The following ZCCHC14 variants were observed in gnomAD, a reference collection of about 807,000 sequenced individuals.
ZCCHC14 encodes zinc finger CCHC-type containing 14, also known as zinc finger CCHC domain-containing protein 14.
ZCCHC14 carries 16 observed loss-of-function variants against 85.0 expected under a neutral mutation model. The ratio of observed to expected loss-of-function variants is 0.19; its 90% CI spans 0.13 to 0.29. The LOEUF (loss-of-function observed/expected upper bound fraction) is 0.29. ZCCHC14 is among the 10% of genes least tolerant of loss of function. The probability of loss-of-function intolerance (pLI) is 1.00; values close to 1 mark genes in which losing one functional copy is unlikely to be tolerated. For missense variants in ZCCHC14, 1,303 were observed against 1,443.5 expected (o/e 0.90, Z 1.58); for synonymous variants, 775 against 630.7 (o/e 1.23, Z -3.43).
At chr16:87,423,307 G>C (rs1429354897) in intron 4 of ZCCHC14, among the ~76,000 whole-genome samples, 1 of 152,178 alleles carries the variant, frequency 6.6e-6, no homozygotes, top group South Asian at 2.1e-4. Flanking sequence ...TTGAGCACCA[G>C]GAGGTCAAGG....
chr16:87,422,476 G>C (rs2150730030), intron 4 of ZCCHC14, among the ~76,000 whole-genome samples: 1 of 152,082 alleles, frequency 6.6e-6, no homozygotes, highest in South Asian at 2.1e-4. Flanking sequence ...TGTAACACCA[G>C]TACTCTGGGA....
In ZCCHC14 at chr16:87,487,083, C is replaced by T. The variant is rs543005181; in HGVS notation, c.570+4586G>A. Among the ~76,000 whole-genome samples, 4 of 152,302 alleles carry T rather than the reference C, an allele frequency of 2.6e-5. No individual in the cohort carries two copies. In the East Asian group the frequency reaches 7.7e-4, roughly 29 times the overall value. ...ATTTTCAACAGCTTACGAAAAGCAA[C>T]GAAGCAAAAGCTGTTGCTGATCTTT... On this transcript the variant is annotated intron_variant, in intron 1 of 12. Coordinates refer to ENST00000671377, the MANE Select transcript of ZCCHC14 (RefSeq NM_015144.3).
intron 2 of ZCCHC14, among the ~76,000 whole-genome samples, chr16:87,448,959 A>AGGCAGAAGCGACCGTGTGCC (rs1910565409): frequency 6.6e-6 from 1 of 152,154 alleles, no homozygotes; most frequent in Non-Finnish European, 1.5e-5. Flanking sequence ...CATCAGAAAG[A>AGGCAGAAGCGACCGTGTGCC]GGCAGAAGCG....
At chr16:87,458,270 G>A (rs1175395500) in intron 2 of ZCCHC14, among the ~76,000 whole-genome samples, 1 of 152,164 alleles carries the variant, frequency 6.6e-6, no homozygotes, top group Non-Finnish European at 1.5e-5. Context: ...GGGATGGCAT[G>A]GGGGAAGGAA....
intron 2 of ZCCHC14, among the ~76,000 whole-genome samples, chr16:87,447,250 C>A (rs559343352): frequency 1.3e-5 from 2 of 152,082 alleles, no homozygotes; most frequent in African/African-American, 4.8e-5. Context: ...AGCAGGCAGC[C>A]TGGACACCTG....
rs140497333 is a variant in ZCCHC14, at chr16:87,469,898, A to G, written c.571-9767T>C. ...TTCCCTGCACTGGGGGCCAGGGCCT[A>G]TCTTCTCAAGTAGAGACTTTACCAC... On this transcript the variant is annotated intron_variant, in intron 1 of 12. Transcript: ENST00000671377. Among the ~76,000 whole-genome samples, 558 of 152,278 alleles carry G rather than the reference A, an allele frequency of 3.7e-3. 2 individuals carry two copies. Among genetic ancestry groups the G allele is most frequent in the African/African-American group, 0.013 (527 of 41,558 alleles).
Position 87,414,167 on chromosome 16 carries a change from CTG to C in ZCCHC14, c.1603+245_1603+246del, listed in dbSNP as rs1408038199. Reference sequence around the variant, plus strand: ...CACCTGCCCGGCACACGGGCCCTCTCTGTGTACGAGTAACCCACCTGCCCGGC... The same window carrying C: ...CACCTGCCCGGCACACGGGCCCTCTCTGTACGAGTAACCCACCTGCCCGGC... On this transcript the variant is annotated intron_variant, in intron 10 of 12. Coordinates refer to ENST00000671377, the MANE Select transcript of ZCCHC14 (RefSeq NM_015144.3). 2.0e-3 allele frequency among the ~76,000 whole-genome samples: 308 copies of C among 151,256 alleles called. 2 individuals are homozygous for C. The highest frequency in any genetic ancestry group is 5.3e-3 in the Admixed American group (80 of 15,194).
At position 87,411,519 on chromosome 16, in the gene ZCCHC14, G is replaced by A. The variant is rs146782285; in HGVS notation, c.3202C>T (p.Pro1068Ser). 197 of 1,613,294 alleles carry A rather than the reference G, an allele frequency of 1.2e-4. 1 individual carries two copies. Among genetic ancestry groups the A allele is most frequent in the Non-Finnish European group, 1.6e-4 (185 of 1,180,010 alleles). The part of the protein sequence containing the change: ...CKQPSMDFNR[P>S]GTFRLKYAPP... ...CGCGGCCATGGCGCGCGCTTACCTGGCCGGTTGAAGTCCATGGACGGCTGT... is the reference window on the plus strand; with the variant it reads ...CGCGGCCATGGCGCGCGCTTACCTGACCGGTTGAAGTCCATGGACGGCTGT... Residue 1068 changes from proline to serine, a missense_variant, in exon 12 of 13, where the codon CCA becomes TCA. Around this residue, in one of 7 missense-constraint regions of ZCCHC14, gnomAD observed 797 missense variants for 730.8 expected, o/e 1.09. Transcript: ENST00000671377.
At chr16:87,452,196 G>A (rs961761865) in intron 2 of ZCCHC14, among the ~76,000 whole-genome samples, 5 of 152,260 alleles carry the variant, frequency 3.3e-5, no homozygotes, top group African/African-American at 7.2e-5. Context: ...AGCCTTGCAG[G>A]GCCAAAGCCA....
Position 87,419,445 on chromosome 16 carries a change from C to A in ZCCHC14, c.1045+338G>T, listed in dbSNP as rs550999305. On this transcript the variant is annotated intron_variant, in intron 6 of 12. Coordinates refer to ENST00000671377, the MANE Select transcript of ZCCHC14 (RefSeq NM_015144.3). ...CCTCCCAAGTAGCGGGGACTGCAGG[C>A]ATGCATCACCACGCCTGGCTAATTT... Among the ~76,000 whole-genome samples, 439 of 152,340 alleles carry A rather than the reference C, an allele frequency of 2.9e-3. 2 individuals are homozygous for A. Among genetic ancestry groups the A allele is most frequent in the African/African-American group, 9.6e-3 (400 of 41,582 alleles).
Position 87,410,258 on chromosome 16 carries a change from G to C in ZCCHC14, c.*22C>G. 1 of 755,938 alleles carries C rather than the reference G, an allele frequency of 1.3e-6. No homozygotes were observed. The highest frequency in any genetic ancestry group is 2.5e-5 in the East Asian group (1 of 39,804). 46.8% of individuals were successfully genotyped at this position (755,938 alleles called of 1,614,324 possible). On this transcript the variant is annotated 3_prime_UTR_variant, in exon 13 of 13. Transcript: ENST00000671377. ...CCTTATGTCTCCATGGCTTAATAAC[G>C]TTCTGTTGCCAGAGAAAAATATCAA...
intron 3 of ZCCHC14, among the ~76,000 whole-genome samples, chr16:87,424,817 G>A (rs544326623): frequency 3.3e-5 from 5 of 152,316 alleles, no homozygotes; most frequent in Admixed American, 2.0e-4. Context: ...TGAAATGACA[G>A]GGAGGAGGCC....
intron 1 of ZCCHC14, among the ~76,000 whole-genome samples, chr16:87,477,120 CA>C (rs769416913): frequency 1.1e-3 from 44 of 40,636 alleles, no homozygotes; most frequent in Admixed American, 1.4e-3. Context: ...GACTCAGTCT[CA>C]AAAAAAAAAA....
At position 87,411,590 on chromosome 16, in the gene ZCCHC14, G is replaced by C; in HGVS notation, c.3131C>G (p.Ser1044Cys). 6.2e-7 allele frequency: 1 copy of C among 1,613,892 alleles called. No individual in the cohort carries two copies. The highest frequency in any genetic ancestry group is 8.5e-7 in the Non-Finnish European group (1 of 1,180,042). The change falls in exon 12 of 13, where the codon TCT becomes TGT. Residue 1044 changes from serine to cysteine, a missense_variant. Ser to Cys is a moderately radical substitution (Grantham distance 112). Transcript: ENST00000671377. Reference protein sequence around the residue: ...GSSHKKSGNLSCYNCGATGHR... With the variant: ...GSSHKKSGNLCCYNCGATGHR... ...ACCAGTGGCCCCGCAGTTGTAACAA[G>C]ATAGGTTCCCGCTCTTTTTGTGACT... is the stretch of plus-strand genomic sequence containing the variant.
chr16:87,429,260 A>C (rs1909527417), intron 3 of ZCCHC14, among the ~76,000 whole-genome samples: 1 of 152,136 alleles, frequency 6.6e-6, no homozygotes, highest in African/African-American at 2.4e-5. Context: ...ACTGTGGTTG[A>C]CTTAGCATTT....
At chr16:87,413,275 G>A in intron 10 of ZCCHC14, 80 bp from the exon 11 acceptor site, 1 of 1,437,156 alleles carries the variant, frequency 7.0e-7, no homozygotes, top group Non-Finnish European at 9.1e-7. Context: ...GCATCGCACT[G>A]TCGGCAGGTG....
chr16:87,422,621 A>C (rs936919062), intron 4 of ZCCHC14, among the ~76,000 whole-genome samples: 1 of 151,892 alleles, frequency 6.6e-6, no homozygotes, highest in African/African-American at 2.4e-5. Context: ...CTGTGATCCC[A>C]GCAACTTGGG....
rs748819715 is a variant in ZCCHC14, at chr16:87,414,509, G to C, written c.1508C>G (p.Ser503Trp). 2 of 1,612,954 alleles carry C rather than the reference G, an allele frequency of 1.2e-6. No individual in the cohort carries two copies. Among genetic ancestry groups the C allele is most frequent in the Non-Finnish European group, 1.7e-6 (2 of 1,179,568 alleles). ...EKSERRCLNP[S>W]APPLVTSSGV... ...ACTGCTGGTGACCAGCGGCGGGGCC[G>C]AGGGGTTCAGGCACCGTCTCTCTGA... The change falls in exon 10 of 13, where the codon TCG becomes TGG. Residue 503 changes from serine to tryptophan, a missense_variant. Physicochemically the swap from Ser to Trp is radical, Grantham distance 177. Coordinates refer to ENST00000671377, the MANE Select transcript of ZCCHC14 (RefSeq NM_015144.3).
chr16:87,478,332 T>A (rs1418408012), intron 1 of ZCCHC14, among the ~76,000 whole-genome samples: 5 of 152,248 alleles, frequency 3.3e-5, no homozygotes, highest in East Asian at 3.9e-4. Context: ...TCTGCTTAAA[T>A]GAAGTTTTAG....
Sources: allele counts gnomAD v4.1 joint callset (sites outside exome capture counted in the v4.1 genomes callset), GRCh38; gene constraint gnomAD v4.1.1; regional missense constraint gnomAD v4.1.1; transcripts MANE v1.5; gene names NCBI Gene and HGNC (gene_info 2026-07-23, HGNC 2026-07-21).